The following POLD3 variants were observed in gnomAD, a reference collection of about 807,000 sequenced individuals.
POLD3 encodes the protein DNA polymerase delta 3, accessory subunit, also known as DNA polymerase delta subunit 3.
Under a neutral mutation model 58.2 loss-of-function variants are expected in POLD3, and 19 were observed. The ratio of observed to expected loss-of-function variants is 0.33; its 90% CI spans 0.23 to 0.48. The LOEUF is 0.48. Ranked by LOEUF, POLD3 falls within the 20% of genes least tolerant of loss-of-function variation. POLD3 has a pLI of 0.99. For synonymous variants in POLD3, 172 were observed against 193.5 expected (o/e 0.89, Z 0.92); for missense variants, 504 against 545.5 (o/e 0.92, Z 0.76).
chr11:74,641,678 T>C lies in POLD3; in HGVS notation c.*912T>C. 1 of 985,102 alleles carries C rather than the reference T, an allele frequency of 1.0e-6. No individual in the cohort carries two copies. Among genetic ancestry groups the C allele is most frequent in the Non-Finnish European group, 1.2e-6 (1 of 829,640 alleles). 61.0% of individuals were successfully genotyped at this position (985,102 alleles called of 1,614,324 possible). ...AAATCCCTTCCTATATACAGTGTGC[T>C]ACATTTACAAAAAATTTCTCCTTAA... On this transcript the variant is annotated 3_prime_UTR_variant, in exon 12 of 12. Transcript: ENST00000263681.
At chr11:74,652,401 C>T (rs1025331270) in intron 4 of POLD3, among the ~76,000 whole-genome samples, 1 of 152,208 alleles carries the variant, frequency 6.6e-6, no homozygotes, top group Non-Finnish European at 1.5e-5. Context: ...CCAAAGGTTG[C>T]GTATCATCAT....
At chr11:74,605,365 G>A (rs181468152) in intron 3 of POLD3, among the ~76,000 whole-genome samples, 1 of 152,194 alleles carries the variant, frequency 6.6e-6, no homozygotes, top group East Asian at 1.9e-4. Flanking sequence ...CTGACTGTAA[G>A]GCTTTCTCAG....
intron 4 of POLD3, among the ~76,000 whole-genome samples, chr11:74,661,614 A>G (rs2033208039): frequency 1.3e-5 from 2 of 152,194 alleles, no homozygotes; most frequent in Non-Finnish European, 2.9e-5. Flanking sequence ...GCCACCCACT[A>G]GGACTGGGCT....
intron 4 of POLD3, among the ~76,000 whole-genome samples, chr11:74,662,714 T>C (rs1280603136): frequency 6.6e-6 from 1 of 152,004 alleles, no homozygotes; most frequent in African/African-American, 2.4e-5. Flanking sequence ...GCCCCCCAGG[T>C]CCACAAGCTC....
chr11:74,657,907 T>C (rs909114603), intron 4 of POLD3, among the ~76,000 whole-genome samples: 18 of 152,224 alleles, frequency 1.2e-4, no homozygotes, highest in African/African-American at 3.9e-4. Context: ...TCACCAGATA[T>C]ACTATTCTAG....
chr11:74,666,136 A>C (rs2033265482), intron 4 of POLD3, among the ~76,000 whole-genome samples: 1 of 152,226 alleles, frequency 6.6e-6, no homozygotes, highest in Non-Finnish European at 1.5e-5. Flanking sequence ...ATTAGAAAAC[A>C]ATTGCATTTA....
downstream of POLD3, among the ~76,000 whole-genome samples, chr11:74,647,323 G>A (rs142950791): frequency 1.7e-3 from 255 of 152,324 alleles, no homozygotes; most frequent in African/African-American, 5.9e-3. Flanking sequence ...AAACCTGATA[G>A]GAGTGTTTTC....
chr11:74,667,429 A>C (rs961651682), intron 4 of POLD3, among the ~76,000 whole-genome samples: 1 of 152,124 alleles, frequency 6.6e-6, no homozygotes, highest in African/African-American at 2.4e-5. Flanking sequence ...TCCCAGCTGG[A>C]GGCTGAGGCA....
intron 4 of POLD3, among the ~76,000 whole-genome samples, chr11:74,656,841 T>C (rs1222043835): frequency 6.6e-6 from 1 of 151,988 alleles, no homozygotes; most frequent in African/African-American, 2.4e-5. Context: ...AGAATATGTA[T>C]TCTGGAGCCA....
In POLD3 at chr11:74,638,512, A is replaced by C. The variant is rs1258637170; in HGVS notation, c.1199-2052A>C. 4 of 410,998 alleles carry C rather than the reference A, an allele frequency of 9.7e-6. No individual in the cohort carries two copies. In the East Asian group the frequency reaches 2.1e-4, roughly 22 times the overall value. The allele number at this position is 410,998 out of a possible 1,614,324, so 25.5% of individuals were successfully genotyped here. On this transcript the variant is annotated intron_variant, in intron 11 of 11. Transcript: ENST00000263681. ...AGTCTTATACCACCAACTAGTAGAA[A>C]GTAATTTCCTTTCTGTATCTGTAGA...
chr11:74,649,850 TGAGA>T (rs375042490), intron 4 of POLD3, among the ~76,000 whole-genome samples: 1 of 151,472 alleles, frequency 6.6e-6, no homozygotes, highest in Non-Finnish European at 1.5e-5. Context: ...TTTATTTATT[TGAGA>T]GAGAGAGAGA....
chr11:74,667,916 C>T (rs1176041812), intron 4 of POLD3, among the ~76,000 whole-genome samples: 4 of 152,206 alleles, frequency 2.6e-5, no homozygotes, highest in African/African-American at 9.6e-5. Context: ...TCTGAAAAGA[C>T]ATTTCTTCAA....
intron 7 of POLD3, among the ~76,000 whole-genome samples, chr11:74,623,208 C>T (rs1043017105): frequency 1.1e-4 from 17 of 152,014 alleles, no homozygotes; most frequent in East Asian, 5.8e-4. Context: ...CCGAGGCGGG[C>T]GGATCACGAG....
intron 10 of POLD3, among the ~76,000 whole-genome samples, chr11:74,635,196 A>G (rs2032712194): frequency 6.6e-6 from 1 of 152,166 alleles, no homozygotes; most frequent in South Asian, 2.1e-4. Flanking sequence ...AAGAGTTGAA[A>G]AAATAGTCGC....
intron 2 of POLD3, chr11:74,595,605 CACAG>C (rs2031213932): frequency 6.6e-6 from 1 of 152,090 alleles, no homozygotes; most frequent in Admixed American, 6.6e-5. Context: ...TGCTTTGAAG[CACAG>C]ACATTTTTTG....
chr11:74,610,776 G>A (rs754449035), intron 3 of POLD3, among the ~76,000 whole-genome samples: 3 of 151,700 alleles, frequency 2.0e-5, no homozygotes, highest in Non-Finnish European at 4.4e-5. Flanking sequence ...GCATATATGT[G>A]TTCTTCTCTT....
chr11:74,657,396 A>G (rs4944930), intron 4 of POLD3, among the ~76,000 whole-genome samples: 124,193 of 151,754 alleles, frequency 0.82, 50,979 homozygotes, highest in Middle Eastern at 0.94. Context: ...TTATGACTTA[A>G]TTTCTTGCTT....
At chr11:74,648,781 C>T (rs1014521536) in intron 4 of POLD3, among the ~76,000 whole-genome samples, 2 of 152,138 alleles carry the variant, frequency 1.3e-5, no homozygotes, top group African/African-American at 2.4e-5. Flanking sequence ...ATGTCAGATT[C>T]GTACATTAGA....
chr11:74,593,796 A>C (rs1411815261), intron 1 of POLD3, among the ~76,000 whole-genome samples: 1 of 152,204 alleles, frequency 6.6e-6, no homozygotes, highest in Non-Finnish European at 1.5e-5. Context: ...TGTGAGGAAA[A>C]TGAGAGTTTT....
Sources: gnomAD v4.1 joint callset for allele counts (sites outside exome capture counted in the v4.1 genomes callset) on GRCh38, gnomAD v4.1.1 for gene constraint, MANE v1.5 for transcripts, NCBI Gene and HGNC (gene_info 2026-07-23, HGNC 2026-07-21) for gene names.